The following CHL1 variants were observed in gnomAD, a reference collection of about 807,000 sequenced individuals.
The protein encoded by CHL1 is cell adhesion molecule L1 like, also known as neural cell adhesion molecule L1-like protein.
In CHL1, 96 loss-of-function variants were observed where a neutral mutation model predicts 141.9. The ratio of observed to expected loss-of-function variants is 0.68; its 90% CI spans 0.57 to 0.80. The LOEUF (loss-of-function observed/expected upper bound fraction) is 0.80. CHL1 is among the 30% of genes least tolerant of loss of function. The probability of loss-of-function intolerance (pLI) is 0.00; values close to 1 mark genes in which losing one functional copy is unlikely to be tolerated. For missense variants in CHL1, 1,820 were observed against 1,457.2 expected (o/e 1.25, Z -4.05); for synonymous variants, 613 against 502.2 (o/e 1.22, Z -2.95).
In CHL1 at chr3:326,069, G is replaced by C; in HGVS notation, c.197+5G>C. On this transcript the variant is annotated splice_donor_5th_base_variant and intron_variant, in intron 4 of 27. Coordinates refer to ENST00000256509, the MANE Select transcript of CHL1 (RefSeq NM_006614.4). ...TAAAGGAAATCCAGAACCAACGTGA[G>C]TATTGTTTCAAACGAAGTGGTTCTT... 1 of 1,583,522 alleles carries C rather than the reference G, an allele frequency of 6.3e-7. No homozygotes were observed. Among genetic ancestry groups the C allele is most frequent in the Non-Finnish European group, 8.7e-7 (1 of 1,153,842 alleles).
At chr3:341,447 C>T (rs995278513) in intron 6 of CHL1, among the ~76,000 whole-genome samples, 3 of 152,182 alleles carry the variant, frequency 2.0e-5, no homozygotes, top group Non-Finnish European at 1.5e-5. Flanking sequence ...TCCCCTAGAA[C>T]CTTCCAGGCT....
intron 15 of CHL1, among the ~76,000 whole-genome samples, chr3:376,048 A>G (rs1706274846): frequency 6.6e-6 from 1 of 152,202 alleles, no homozygotes; most frequent in South Asian, 2.1e-4. Flanking sequence ...AGGCAAACAG[A>G]GGAAAAGATT....
Position 382,668 on chromosome 3 carries a change from G to T in CHL1, c.2173G>T (p.Ala725Ser), listed in dbSNP as rs1229413632. 2 of 1,612,896 alleles carry T rather than the reference G, an allele frequency of 1.2e-6. No individual in the cohort carries two copies. The highest frequency in any genetic ancestry group is 3.3e-5 in the Admixed American group (2 of 59,916). Residue 725 changes from alanine (A) to serine (S), a missense_variant, in exon 18 of 28, where the codon GCA becomes TCA. Physicochemically the swap from Ala to Ser is moderately conservative, Grantham distance 99. Transcript: ENST00000256509. Reference sequence around the variant, plus strand: ...GTCAGACCATCATGAAACACCACCAGCAGGTATGCAGGTTCTCACATCAGG... The same window carrying T: ...GTCAGACCATCATGAAACACCACCATCAGGTATGCAGGTTCTCACATCAGG... ...QPSDHHETPP[A>S]APDRNPQNIR...
chr3:224,857 C>G, intron 1 of CHL1, among the ~76,000 whole-genome samples: 1 of 152,306 alleles, frequency 6.6e-6, no homozygotes, highest in East Asian at 1.9e-4. Context: ...AACTCAGAGC[C>G]GGGTGCAGTG....
Position 391,174 on chromosome 3 carries a change from A to T in CHL1, c.2791+15A>T. The T allele has an allele frequency of 6.4e-7, 1 of 1,569,340 alleles. No homozygotes were observed. The highest frequency in any genetic ancestry group is 8.8e-7 in the Non-Finnish European group (1 of 1,140,170). On this transcript the variant is annotated intron_variant, in intron 22 of 27. Coordinates refer to ENST00000256509, the MANE Select transcript of CHL1 (RefSeq NM_006614.4). ...ACCAGAAGGAGGTGAGAGGATAATG[A>T]TGTAGAGTCATGTCAAAAATGGAGG... is the stretch of plus-strand genomic sequence containing the variant.
At chr3:252,933 A>C (rs1474577703) in intron 2 of CHL1, among the ~76,000 whole-genome samples, 1 of 152,110 alleles carries the variant, frequency 6.6e-6, no homozygotes, top group Non-Finnish European at 1.5e-5. Flanking sequence ...TTAAATAATT[A>C]TAGTTACTGT....
rs530516795 is a variant in CHL1 at position 232,755 on chromosome 3, T to TA, written c.-174-11848dup. Among the ~76,000 whole-genome samples, 711 of 149,530 alleles carry TA rather than the reference T, an allele frequency of 4.8e-3. 8 individuals carry two copies. The highest frequency in any genetic ancestry group is 0.029 in the South Asian group (137 of 4,700). On this transcript the variant is annotated intron_variant, in intron 1 of 27. Coordinates refer to ENST00000256509, the MANE Select transcript of CHL1 (RefSeq NM_006614.4). ...TGAATCAGAGGTTGTTAGCTCCAGT[T>TA]AAAAAAAAAATGAAGAAAGAGACCT...
chr3:219,842 G>A (rs1374895411), intron 1 of CHL1, among the ~76,000 whole-genome samples: 1 of 152,020 alleles, frequency 6.6e-6, no homozygotes, highest in Non-Finnish European at 1.5e-5. Context: ...TAAAATGAAA[G>A]TTTTTTAAAA....
At chr3:392,289 A>G (rs1708288953) in intron 23 of CHL1, among the ~76,000 whole-genome samples, 1 of 152,204 alleles carries the variant, frequency 6.6e-6, no homozygotes, top group Non-Finnish European at 1.5e-5. Context: ...CTTCCACGCT[A>G]CCTCTTCTGC....
At chr3:378,861 GC>G (rs1376637400) in intron 16 of CHL1, among the ~76,000 whole-genome samples, 1 of 152,046 alleles carries the variant, frequency 6.6e-6, no homozygotes, top group Non-Finnish European at 1.5e-5. Context: ...TGAACATCCT[GC>G]CCACATCTTT....
At position 346,523 on chromosome 3, in the gene CHL1, C is replaced by G. The variant is rs186581213; in HGVS notation, c.848+1814C>G. ...TTCACTGACCTCTTGGATTGACTAG[C>G]AACTGCGCAGAATGTCTTCAAAATA... On this transcript the variant is annotated intron_variant, in intron 9 of 27. Coordinates refer to ENST00000256509, the MANE Select transcript of CHL1 (RefSeq NM_006614.4). Among the ~76,000 whole-genome samples the G allele has an allele frequency of 2.6e-5, 4 of 152,264 alleles. No homozygotes were observed. In the East Asian group the frequency reaches 7.7e-4, roughly 29 times the overall value.
At chr3:229,061 T>G (rs751406857) in intron 1 of CHL1, among the ~76,000 whole-genome samples, 1 of 152,162 alleles carries the variant, frequency 6.6e-6, no homozygotes, top group Non-Finnish European at 1.5e-5. Flanking sequence ...TTACACAGGA[T>G]TAATTGTGTA....
At chr3:397,730 G>A (rs796977276) in intron 24 of CHL1, among the ~76,000 whole-genome samples, 19 of 152,032 alleles carry the variant, frequency 1.2e-4, no homozygotes, top group East Asian at 7.7e-4. Flanking sequence ...TGCATTTCAC[G>A]TAGTTTGGAC....
intron 2 of CHL1, among the ~76,000 whole-genome samples, chr3:276,386 T>C (rs528046292): frequency 1.3e-5 from 2 of 152,292 alleles, no homozygotes; most frequent in East Asian, 1.9e-4. Flanking sequence ...GAGTTGGAGA[T>C]AGGAAACTGC....
At chr3:267,051 T>C (rs1315134836) in intron 2 of CHL1, among the ~76,000 whole-genome samples, 2 of 152,228 alleles carry the variant, frequency 1.3e-5, no homozygotes, top group African/African-American at 4.8e-5. Flanking sequence ...TGAATCTATA[T>C]TGATAAATCT....
At chr3:316,043 T>A (rs1025097827) in intron 2 of CHL1, among the ~76,000 whole-genome samples, 3 of 151,952 alleles carry the variant, frequency 2.0e-5, no homozygotes, top group African/African-American at 7.2e-5. Flanking sequence ...GACGTTTACA[T>A]AGTGTGCAGA....
chr3:380,460 A>T (rs1024266867), intron 16 of CHL1, among the ~76,000 whole-genome samples: 3 of 152,190 alleles, frequency 2.0e-5, no homozygotes, highest in African/African-American at 2.4e-5. Flanking sequence ...AGAGAATTCA[A>T]ACCCAATTTT....
chr3:374,224 A>G (rs1706011742), intron 15 of CHL1, among the ~76,000 whole-genome samples: 1 of 151,904 alleles, frequency 6.6e-6, no homozygotes, highest in Non-Finnish European at 1.5e-5. Flanking sequence ...TCCTTCCGAT[A>G]TATACAAAGG....
At chr3:367,821 T>G (rs1244170582) in intron 15 of CHL1, among the ~76,000 whole-genome samples, 2 of 152,122 alleles carry the variant, frequency 1.3e-5, no homozygotes, top group Non-Finnish European at 2.9e-5. Flanking sequence ...CCCTGGTATG[T>G]GTGATTCACC....
Sources: gnomAD v4.1 joint callset for allele counts (sites outside exome capture counted in the v4.1 genomes callset) on GRCh38, gnomAD v4.1.1 for gene constraint, MANE v1.5 for transcripts, NCBI Gene and HGNC (gene_info 2026-07-23, HGNC 2026-07-21) for gene names.